Variants in FHIP2A observed in about 807,000 individuals in gnomAD.
FHIP2A encodes FHF complex subunit HOOK interacting protein 2A.
A neutral mutation model predicts 93.5 loss-of-function variants in FHIP2A; 46 were observed. The observed-to-expected ratio is 0.49, with a 90% CI of 0.39 to 0.63. The LOEUF is 0.63. FHIP2A is among the 20% of genes least tolerant of loss of function. The probability of loss-of-function intolerance (pLI) is 0.00; values close to 1 mark genes in which losing one functional copy is unlikely to be tolerated. For synonymous variants in FHIP2A, 332 were observed against 326.5 expected (o/e 1.02, Z -0.18); for missense variants, 769 against 909.7 (o/e 0.85, Z 1.99).
chr10:114,846,429 A>G (rs1174750839), intron 10 of FHIP2A, 62 bp downstream of exon 10: 1 of 1,478,898 alleles, frequency 6.8e-7, no homozygotes, highest in Non-Finnish European at 9.2e-7. Flanking sequence ...TTAATGTATT[A>G]TACTTCAGAT....
chr10:114,885,615 C>A (rs1337675379), intron 16 of FHIP2A, among the ~76,000 whole-genome samples: 1 of 152,194 alleles, frequency 6.6e-6, no homozygotes, highest in African/African-American at 2.4e-5. Flanking sequence ...AGCTGTGCTG[C>A]AATCCTGTCT....
rs1555247145 is a variant in FHIP2A at position 114,875,910 on chromosome 10, G to GAAAGAGAA, written c.2192+14577_2192+14578insAAGAGAAA. Among the ~76,000 whole-genome samples, 37 of 74,812 alleles carry GAAAGAGAA rather than the reference G, an allele frequency of 4.9e-4. 2 individuals are homozygous for GAAAGAGAA. In the South Asian group the frequency reaches 8.7e-3, roughly 18 times the overall value. 49.1% of individuals were successfully genotyped at this position (74,812 alleles called of 152,430 possible). A position where few individuals can be genotyped will look rare whatever the true frequency, so the allele number is the denominator to read the frequency against. On this transcript the variant is annotated intron_variant, in intron 16 of 16. Transcript: ENST00000369250. ...AAAGAGAGAGAAAGAAATAAAGAAA[G>GAAAGAGAA]AGAAAGAAAGAAAGAAAGAAAGAGA...
In FHIP2A at chr10:114,864,665, A is replaced by T; in HGVS notation, c.*3125A>T. 1.0e-6 allele frequency: 1 copy of T among 985,530 alleles called. No individual in the cohort carries two copies. Among genetic ancestry groups the T allele is most frequent in the Non-Finnish European group, 1.2e-6 (1 of 829,700 alleles). The allele number at this position is 985,530 out of a possible 1,614,324, so 61.0% of individuals were successfully genotyped here. The stretch of plus-strand genomic sequence containing the variant: ...GTTCAACTTTTTGTGCTAACAATGC[A>T]TGCAGGACTAAGAGGGATGATCTAA... On this transcript the variant is annotated 3_prime_UTR_variant, in exon 17 of 17. Coordinates refer to ENST00000369248, the MANE Select transcript of FHIP2A (RefSeq NM_020940.4).
intron 5 of FHIP2A, among the ~76,000 whole-genome samples, chr10:114,837,621 G>A (rs975540112): frequency 5.9e-5 from 9 of 152,176 alleles, no homozygotes; most frequent in African/African-American, 2.2e-4. Context: ...CTGTGAGCTT[G>A]ATGAACACAG....
chr10:114,877,185 A>G (rs758422574), intron 16 of FHIP2A, among the ~76,000 whole-genome samples: 2 of 152,128 alleles, frequency 1.3e-5, no homozygotes, highest in African/African-American at 2.4e-5. Context: ...GGAACAATCA[A>G]TGGGAAGCAA....
At chr10:114,849,625 C>T (rs1325605701) in intron 13 of FHIP2A, among the ~76,000 whole-genome samples, 2 of 152,124 alleles carry the variant, frequency 1.3e-5, no homozygotes, top group African/African-American at 4.8e-5. Flanking sequence ...TAAAATTCAA[C>T]GTTTTAACTA....
chr10:114,856,499 G>T (rs1443251917), intron 14 of FHIP2A, among the ~76,000 whole-genome samples: 1 of 152,130 alleles, frequency 6.6e-6, no homozygotes, highest in Non-Finnish European at 1.5e-5. Context: ...GAGCCAGTTT[G>T]CTAGGCGTAG....
rs1311387109 is a variant in FHIP2A at position 114,841,787 on chromosome 10, C to T, written c.523-1146C>T. On this transcript the variant is annotated intron_variant, in intron 5 of 16. Transcript: ENST00000369248. Reference sequence around the variant, plus strand: ...AAGTAGAACCCTGAATTCATTCAGCCTTTAATATGTTTCTATGATGATAGG... The same window carrying T: ...AAGTAGAACCCTGAATTCATTCAGCTTTTAATATGTTTCTATGATGATAGG... Among the ~76,000 whole-genome samples the T allele has an allele frequency of 4.6e-5, 7 of 152,106 alleles. No homozygotes were observed. The South Asian group carries it at 1.2e-3, about 27-fold the overall frequency.
downstream of FHIP2A, among the ~76,000 whole-genome samples, chr10:114,865,841 C>T (rs1323223730): frequency 6.6e-6 from 1 of 150,866 alleles, no homozygotes; most frequent in African/African-American, 2.4e-5. Flanking sequence ...CAAGCAGAAA[C>T]ACTGCATGTG....
At chr10:114,861,010 T>C (rs1220880699) in intron 15 of FHIP2A, 121 bp downstream of exon 15, 5 of 1,079,412 alleles carry the variant, frequency 4.6e-6, no homozygotes, top group Non-Finnish European at 6.7e-6. Context: ...TAAAAGTAAT[T>C]ATTATACATT....
intron 16 of FHIP2A, among the ~76,000 whole-genome samples, chr10:114,891,027 A>T (rs772759778): frequency 6.6e-6 from 1 of 151,310 alleles, no homozygotes; most frequent in African/African-American, 2.4e-5. Context: ...CCCCGTCTCT[A>T]CAAAAAAATT....
In FHIP2A at chr10:114,843,270, T is replaced by C. The variant is rs533754207; in HGVS notation, c.816+44T>C. The C allele has an allele frequency of 3.3e-6, 4 of 1,214,800 alleles. No homozygotes were observed. In the South Asian group the frequency reaches 9.2e-5, roughly 28 times the overall value. The allele number at this position is 1,214,800 out of a possible 1,614,324, so 75.3% of individuals were successfully genotyped here. A position where few individuals can be genotyped will look rare whatever the true frequency, so the allele number is the denominator to read the frequency against. On this transcript the variant is annotated intron_variant, in intron 6 of 16. Coordinates refer to ENST00000369248, the MANE Select transcript of FHIP2A (RefSeq NM_020940.4). Reference sequence around the variant, plus strand: ...TTTTTCCCCCCTAACATTATTTCAATAATGTGTATTTATTTATTTTTTTAA... The same window carrying C: ...TTTTTCCCCCCTAACATTATTTCAACAATGTGTATTTATTTATTTTTTTAA...
chr10:114,883,393 G>A (rs935403894), intron 16 of FHIP2A, among the ~76,000 whole-genome samples: 4 of 151,902 alleles, frequency 2.6e-5, no homozygotes, highest in Admixed American at 6.6e-5. Context: ...CAAAGACACC[G>A]TGCTTTGTAG....
Position 114,833,418 on chromosome 10 carries a change from A to T in FHIP2A, c.294+16A>T, listed in dbSNP as rs748387961. On this transcript the variant is annotated intron_variant, in intron 3 of 16. Transcript: ENST00000369248. Reference sequence around the variant, plus strand: ...GAAAGCTGATGTAAGTTCCTGATCCACACCATGTTCTTGGGCATTAGTACA... The same window carrying T: ...GAAAGCTGATGTAAGTTCCTGATCCTCACCATGTTCTTGGGCATTAGTACA... The T allele has an allele frequency of 6.2e-6, 10 of 1,610,642 alleles. No individual in the cohort carries two copies. Among genetic ancestry groups the T allele is most frequent in the Admixed American group, 3.3e-5 (2 of 59,890 alleles).
chr10:114,832,572 T>C (rs1348650577), intron 2 of FHIP2A, among the ~76,000 whole-genome samples: 1 of 152,186 alleles, frequency 6.6e-6, no homozygotes, highest in Non-Finnish European at 1.5e-5. Context: ...AAAAAAAATA[T>C]TTTAATTATA....
chr10:114,871,941 A>G (rs1422339212), intron 16 of FHIP2A, among the ~76,000 whole-genome samples: 2 of 152,228 alleles, frequency 1.3e-5, no homozygotes, highest in African/African-American at 4.8e-5. Context: ...CTCAACTAAG[A>G]AAACTGTTAG....
chr10:114,896,026 G>T (rs1164094212), intron 16 of FHIP2A, among the ~76,000 whole-genome samples: 3 of 152,058 alleles, frequency 2.0e-5, no homozygotes, highest in Non-Finnish European at 4.4e-5. Context: ...CTGGCCATTT[G>T]GGGTGACTTG....
chr10:114,885,051 T>A (rs1175609210), intron 16 of FHIP2A, among the ~76,000 whole-genome samples: 1 of 151,858 alleles, frequency 6.6e-6, no homozygotes, highest in Non-Finnish European at 1.5e-5. Flanking sequence ...CCTAAATGAA[T>A]CCAATGGCTT....
intron 16 of FHIP2A, among the ~76,000 whole-genome samples, chr10:114,884,979 A>C (rs12414613): frequency 0.09 from 13,680 of 151,874 alleles, 819 homozygotes; most frequent in East Asian, 0.21. Flanking sequence ...GTAAGAATGC[A>C]ATAAACATTA....
Sources: gnomAD v4.1 joint callset for allele counts (sites outside exome capture counted in the v4.1 genomes callset) on GRCh38, gnomAD v4.1.1 for gene constraint, MANE v1.5 for transcripts, NCBI Gene and HGNC (gene_info 2026-07-23, HGNC 2026-07-21) for gene names.